The following NFX1 variants were observed in gnomAD, a reference collection of about 807,000 sequenced individuals.
The protein encoded by NFX1 is nuclear transcription factor, X-box binding 1.
NFX1 carries 69 observed loss-of-function variants against 137.2 expected under a neutral mutation model. The ratio of observed to expected loss-of-function variants is 0.50; its 90% CI spans 0.41 to 0.61. NFX1 has a LOEUF of 0.61. Ranked by LOEUF, NFX1 falls within the 20% of genes least tolerant of loss-of-function variation. NFX1 has a pLI of 0.00. For missense variants in NFX1, 1,167 were observed against 1,391.0 expected (o/e 0.84, Z 2.56); for synonymous variants, 495 against 474.1 (o/e 1.04, Z -0.57).
At position 33,351,843 on chromosome 9, in the gene NFX1, G is replaced by A. The variant is rs567670901; in HGVS notation, c.2655+53G>A. ...ATTGACTGTAGTTCTGAGGCTACTA[G>A]TGAATCCAGAACTGTCTACAGTGGC... On this transcript the variant is annotated intron_variant, in intron 16 of 23. Coordinates refer to ENST00000379540, the MANE Select transcript of NFX1 (RefSeq NM_002504.6). 2.1e-4 allele frequency: 305 copies of A among 1,457,500 alleles called. 1 individual carries two copies. The African/African-American group carries it at 3.9e-3, about 19-fold the overall frequency. The allele number at this position is 1,457,500 out of a possible 1,614,324, so 90.3% of individuals were successfully genotyped here.
At chr9:33,290,950 A>C (rs988700254) in intron 1 of NFX1, among the ~76,000 whole-genome samples, 1 of 152,048 alleles carries the variant, frequency 6.6e-6, no homozygotes, top group Non-Finnish European at 1.5e-5. Flanking sequence ...CGGGCTCTTG[A>C]CGTGTAGGGT....
Position 33,366,781 on chromosome 9 carries a change from C to T in NFX1, c.3185+7C>T, listed in dbSNP as rs1161232130. On this transcript the variant is annotated splice_region_variant and intron_variant, in intron 22 of 23. Coordinates refer to ENST00000379540, the MANE Select transcript of NFX1 (RefSeq NM_002504.6). ...TGGTGGTCACTGCCATCAGGTAGGTCAATCCCGCCGTCAGAGGAAGAACTC... is the reference window on the plus strand; with the variant it reads ...TGGTGGTCACTGCCATCAGGTAGGTTAATCCCGCCGTCAGAGGAAGAACTC... 6.2e-7 allele frequency: 1 copy of T among 1,612,106 alleles called. No homozygotes were observed. Among genetic ancestry groups the T allele is most frequent in the Admixed American group, 1.7e-5 (1 of 59,968 alleles).
chr9:33,324,497 G>A (rs927853463), intron 9 of NFX1, among the ~76,000 whole-genome samples: 1 of 152,214 alleles, frequency 6.6e-6, no homozygotes, highest in Non-Finnish European at 1.5e-5. Context: ...GTTGCAGCAA[G>A]CCATGATCAT....
At chr9:33,368,748 A>C (rs1056670146) in intron 23 of NFX1, among the ~76,000 whole-genome samples, 2 of 152,196 alleles carry the variant, frequency 1.3e-5, no homozygotes, top group African/African-American at 4.8e-5. Context: ...AAACCTCTGA[A>C]GGGTGGTTAC....
At chr9:33,345,462 G>C (rs1823386670) in intron 14 of NFX1, among the ~76,000 whole-genome samples, 1 of 152,074 alleles carries the variant, frequency 6.6e-6, no homozygotes. Flanking sequence ...GGGTGACAGA[G>C]TGAGACTCTG....
At chr9:33,366,551 C>T in intron 21 of NFX1, 78 bp from the exon 22 acceptor site, 2 of 1,542,522 alleles carry the variant, frequency 1.3e-6, no homozygotes, top group Non-Finnish European at 1.8e-6. Context: ...CCCTGCAATT[C>T]TTGTGTGGTA....
intron 4 of NFX1, among the ~76,000 whole-genome samples, chr9:33,306,162 G>A (rs886281329): frequency 1.3e-5 from 2 of 152,158 alleles, no homozygotes; most frequent in African/African-American, 4.8e-5. Context: ...ACAGGAGAGC[G>A]ATGAGGTGAG....
At chr9:33,333,028 T>C (rs1437644302) in intron 11 of NFX1, among the ~76,000 whole-genome samples, 3 of 152,130 alleles carry the variant, frequency 2.0e-5, no homozygotes, top group African/African-American at 7.2e-5. Flanking sequence ...GTATTTTTGG[T>C]AGAGACGGGG....
intron 5 of NFX1, among the ~76,000 whole-genome samples, chr9:33,307,887 G>A (rs994824741): frequency 2.1e-5 from 3 of 142,678 alleles, no homozygotes; most frequent in Admixed American, 7.4e-5. Context: ...CACTGCAACC[G>A]CCGCCTCTTG....
intron 10 of NFX1, among the ~76,000 whole-genome samples, chr9:33,332,088 A>T (rs1247911079): frequency 6.6e-6 from 1 of 152,114 alleles, no homozygotes; most frequent in African/African-American, 2.4e-5. Context: ...TCTGTTTTCA[A>T]TTCTTATATC....
chr9:33,328,372 T>G (rs1822675192), intron 9 of NFX1, among the ~76,000 whole-genome samples: 1 of 152,024 alleles, frequency 6.6e-6, no homozygotes, highest in Admixed American at 6.6e-5. Flanking sequence ...CATATTCCAG[T>G]GTCTAAGCTG....
intron 19 of NFX1, among the ~76,000 whole-genome samples, chr9:33,362,313 C>T (rs1824021174): frequency 1.3e-5 from 2 of 152,106 alleles, no homozygotes; most frequent in African/African-American, 4.8e-5. Context: ...TACCTGTACT[C>T]TCATATTTGT....
At chr9:33,326,413 T>TTA (rs751656490) in intron 9 of NFX1, among the ~76,000 whole-genome samples, 2 of 88,792 alleles carry the variant, frequency 2.3e-5, no homozygotes, top group African/African-American at 9.0e-5. Flanking sequence ...CCTCTGTCTT[T>TTA]AAAAAAAAAA....
At chr9:33,295,986 A>G (rs1044971134) in intron 2 of NFX1, among the ~76,000 whole-genome samples, 1 of 152,150 alleles carries the variant, frequency 6.6e-6, no homozygotes, top group African/African-American at 2.4e-5. Context: ...GCTAGAGTGC[A>G]GTGGTGCGAT....
chr9:33,305,526 G>T (rs984499139), intron 4 of NFX1, among the ~76,000 whole-genome samples: 1 of 152,220 alleles, frequency 6.6e-6, no homozygotes, highest in Non-Finnish European at 1.5e-5. Context: ...GCTGTGGGAA[G>T]CCACTGAGGG....
intron 17 of NFX1, 143 bp downstream of exon 17, chr9:33,352,862 C>A (rs1416335029): frequency 4.7e-6 from 3 of 642,454 alleles, no homozygotes; most frequent in Non-Finnish European, 8.4e-6. Flanking sequence ...GTTGTAAACA[C>A]CACTGCACAG....
intron 12 of NFX1, among the ~76,000 whole-genome samples, chr9:33,341,057 G>A (rs369869945): frequency 6.6e-6 from 1 of 152,064 alleles, no homozygotes; most frequent in Non-Finnish European, 1.5e-5. Flanking sequence ...CCACATTTTC[G>A]GGTATCTTTT....
chr9:33,307,698 G>T (rs929677459), intron 5 of NFX1, among the ~76,000 whole-genome samples: 8 of 152,134 alleles, frequency 5.3e-5, no homozygotes, highest in African/African-American at 1.9e-4. Context: ...AGAATGTATG[G>T]GAGAACCTTC....
chr9:33,355,108 T>A (rs1823767356), intron 19 of NFX1, among the ~76,000 whole-genome samples: 1 of 152,174 alleles, frequency 6.6e-6, no homozygotes. Flanking sequence ...GCTGTGTGGT[T>A]TTGGGCATGA....
Sources: gnomAD v4.1 joint callset for allele counts (sites outside exome capture counted in the v4.1 genomes callset) on GRCh38, gnomAD v4.1.1 for gene constraint, MANE v1.5 for transcripts, NCBI Gene and HGNC (gene_info 2026-07-23, HGNC 2026-07-21) for gene names.